The following PTPDC1 variants were observed in gnomAD, a reference collection of about 807,000 sequenced individuals.
PTPDC1 encodes protein tyrosine phosphatase domain containing 1, also known as protein tyrosine phosphatase domain-containing protein 1.
PTPDC1 carries 53 observed loss-of-function variants against 75.3 expected under a neutral mutation model. That is an observed-to-expected ratio of 0.70 (90% CI 0.56 to 0.88). The LOEUF (loss-of-function observed/expected upper bound fraction) is 0.88. Among genes scored for constraint, PTPDC1 ranks in the 40% least tolerant of loss-of-function variants. The probability of loss-of-function intolerance (pLI) is 0.00; values close to 1 mark genes in which losing one functional copy is unlikely to be tolerated. For missense variants in PTPDC1, 925 were observed against 998.6 expected (o/e 0.93, Z 0.99); for synonymous variants, 349 against 366.2 (o/e 0.95, Z 0.54).
Position 94,104,376 on chromosome 9 carries a change from A to G in PTPDC1, c.2301A>G (p.Ala767=). Residue 767 remains alanine (A), a synonymous_variant, in exon 8 of 9, where the codon GCA becomes GCG. Coordinates refer to ENST00000620992, the MANE Select transcript of PTPDC1 (RefSeq NM_001253829.2). ...EEAFLAHAIK[A]FTKVNFDSEN... Reference sequence around the variant, plus strand: ...CTTTCCTTGCCCATGCCATTAAGGCATTCACTAAGGTGGGTCATACTCTTC... The same window carrying G: ...CTTTCCTTGCCCATGCCATTAAGGCGTTCACTAAGGTGGGTCATACTCTTC... The G allele has an allele frequency of 6.2e-7, 1 of 1,610,662 alleles. No homozygotes were observed. Among genetic ancestry groups the G allele is most frequent in the Non-Finnish European group, 8.5e-7 (1 of 1,177,016 alleles).
rs530980694 is a variant in PTPDC1, at chr9:94,057,522, A to G, written c.-6-7212A>G. On this transcript the variant is annotated intron_variant, in intron 1 of 9. Coordinates refer to the PTPDC1 transcript ENST00000375360. ...TATTGCGGATACTGGTTTGCAAAGT[A>G]AGATAACAAATATTTATTGAATACT... 2.6e-5 allele frequency among the ~76,000 whole-genome samples: 4 copies of G among 152,352 alleles called. No individual in the cohort carries two copies. The East Asian group carries it at 7.7e-4, about 29-fold the overall frequency.
Position 94,064,874 on chromosome 9 carries a change from A to G in PTPDC1, c.82+53A>G. On this transcript the variant is annotated intron_variant, in intron 2 of 9. Coordinates refer to the PTPDC1 transcript ENST00000375360. ...CTCTCTGTGCAAGCTGGCATTTAAT[A>G]AAAGTAGCTATATGAATGGACACAA... 4 of 1,334,516 alleles carry G rather than the reference A, an allele frequency of 3.0e-6. No individual in the cohort carries two copies. In the South Asian group the frequency reaches 3.7e-5, roughly 12 times the overall value. 82.7% of individuals were successfully genotyped at this position (1,334,516 alleles called of 1,614,324 possible).
At position 94,101,732 on chromosome 9, in the gene PTPDC1, C is replaced by G. The variant is rs747814861; in HGVS notation, c.2180C>G (p.Ala727Gly). Residue 727 changes from alanine (A) to glycine (G), a missense_variant, in exon 7 of 9, where the codon GCA becomes GGA. Physicochemically the swap from Ala to Gly is moderately conservative, Grantham distance 60. Transcript: ENST00000620992. ...LVDRRADAAE[A>G]LFLLEKGQHQ... ...GACAGGCGAGCAGATGCCGCAGAAG[C>G]ACTTTTTTTATTAGAGAAGGTAAAG... is the stretch of plus-strand genomic sequence containing the variant. 6.2e-7 allele frequency: 1 copy of G among 1,610,054 alleles called. No homozygotes were observed. Among genetic ancestry groups the G allele is most frequent in the Non-Finnish European group, 8.5e-7 (1 of 1,177,690 alleles).
intron 4 of PTPDC1, among the ~76,000 whole-genome samples, chr9:94,091,784 A>G (rs1827331312): frequency 6.6e-6 from 1 of 152,136 alleles, no homozygotes; most frequent in South Asian, 2.1e-4. Flanking sequence ...CTATTCAGAG[A>G]TTCAACTTCT....
At chr9:94,084,348 T>C, upstream of PTPDC1, 1 of 793,052 alleles carries the variant, frequency 1.3e-6, no homozygotes, top group Non-Finnish European at 1.9e-6. Flanking sequence ...TATTGGATTT[T>C]GCCTGTTCAG....
At chr9:94,035,304 C>T (rs192807536) in intron 1 of PTPDC1, among the ~76,000 whole-genome samples, 21 of 152,310 alleles carry the variant, frequency 1.4e-4, no homozygotes, top group Non-Finnish European at 2.8e-4. Context: ...AGGCTTTGTA[C>T]CCTTTTGCCT....
chr9:94,082,771 G>A (rs1039919453), upstream of PTPDC1, among the ~76,000 whole-genome samples: 13 of 152,140 alleles, frequency 8.5e-5, no homozygotes, highest in Admixed American at 8.5e-4. Context: ...ACTGGGGTAA[G>A]CTCAGTCATT....
intron 8 of PTPDC1, 34 bp from the exon 9 acceptor site, chr9:94,107,794 A>T: frequency 7.9e-7 from 1 of 1,268,198 alleles, no homozygotes; most frequent in Non-Finnish European, 1.1e-6. Context: ...AATTCTTGTT[A>T]CAGTGTCCTG....
intron 1 of PTPDC1, among the ~76,000 whole-genome samples, chr9:94,032,707 G>A (rs1419335872): frequency 6.6e-6 from 1 of 151,950 alleles, no homozygotes; most frequent in Non-Finnish European, 1.5e-5. Flanking sequence ...TTTATTTTGA[G>A]ACGGGGTCTC....
At position 94,032,140 on chromosome 9, in the gene PTPDC1, G is replaced by A. The variant is rs142492571; in HGVS notation, c.-7+1013G>A. On this transcript the variant is annotated intron_variant, in intron 1 of 9. Coordinates refer to the PTPDC1 transcript ENST00000375360. ...TGGAAGAACTGGGATTTAAATCCAA[G>A]TCTATGTGGCTCCAAAACCACCCAC... 3.0e-4 allele frequency among the ~76,000 whole-genome samples: 45 copies of A among 152,328 alleles called. 1 individual carries two copies. In the East Asian group the frequency reaches 8.7e-3, roughly 29 times the overall value.
chr9:94,044,952 C>T (rs1373118313), intron 1 of PTPDC1, among the ~76,000 whole-genome samples: 1 of 149,360 alleles, frequency 6.7e-6, no homozygotes, highest in Non-Finnish European at 1.5e-5. Context: ...ATTAACTCGT[C>T]ATTTAGCATT....
intron 1 of PTPDC1, among the ~76,000 whole-genome samples, chr9:94,045,088 G>A (rs970974738): frequency 8.3e-5 from 12 of 144,022 alleles, no homozygotes; most frequent in African/African-American, 1.0e-4. Flanking sequence ...GTGAGAACAC[G>A]CGGTGTTTGG....
chr9:94,056,523 A>G (rs923742159), intron 1 of PTPDC1, among the ~76,000 whole-genome samples: 26 of 152,296 alleles, frequency 1.7e-4, no homozygotes, highest in African/African-American at 6.3e-4. Flanking sequence ...ATCCTGGTGC[A>G]TTCCAGAGTT....
intron 4 of PTPDC1, among the ~76,000 whole-genome samples, chr9:94,091,089 AT>A (rs371120551): frequency 0.075 from 11,383 of 151,612 alleles, 576 homozygotes; most frequent in East Asian, 0.13. Flanking sequence ...CTCCTGCCTA[AT>A]TGCCCAGGCC....
chr9:94,082,596 A>G (rs1384426678), upstream of PTPDC1, among the ~76,000 whole-genome samples: 2 of 152,158 alleles, frequency 1.3e-5, no homozygotes, highest in Admixed American at 1.3e-4. Context: ...AGAGGTGGGT[A>G]CATTTCTTTT....
At chr9:94,046,878 CTA>C (rs1212047761) in intron 1 of PTPDC1, among the ~76,000 whole-genome samples, 2 of 152,152 alleles carry the variant, frequency 1.3e-5, no homozygotes, top group African/African-American at 4.8e-5. Flanking sequence ...ACTTCCAACA[CTA>C]TGTTGAATAG....
chr9:94,047,066 T>C (rs1452001723), intron 1 of PTPDC1, among the ~76,000 whole-genome samples: 1 of 152,228 alleles, frequency 6.6e-6, no homozygotes, highest in Non-Finnish European at 1.5e-5. Context: ...GGTTGTTGAA[T>C]TTTGTCAAAG....
At chr9:94,096,147 G>T (rs6479528) in intron 5 of PTPDC1, among the ~76,000 whole-genome samples, 4 of 151,622 alleles carry the variant, frequency 2.6e-5, no homozygotes, top group Non-Finnish European at 2.9e-5. Flanking sequence ...AATGAAGGCC[G>T]TAGGGCTGAA....
At chr9:94,078,332 C>T (rs1206409218) in intron 2 of PTPDC1, among the ~76,000 whole-genome samples, 1 of 152,136 alleles carries the variant, frequency 6.6e-6, no homozygotes, top group African/African-American at 2.4e-5. Flanking sequence ...ATATGTCGTT[C>T]CTCTACTTTC....
Sources: allele counts gnomAD v4.1 joint callset (sites outside exome capture counted in the v4.1 genomes callset), GRCh38; gene constraint gnomAD v4.1.1; transcripts MANE v1.5; gene names NCBI Gene and HGNC (gene_info 2026-07-23, HGNC 2026-07-21).